KCTD2: variants seen among roughly 807,000 people sequenced by gnomAD.
The protein encoded by KCTD2 is BTB/POZ domain-containing protein KCTD2.
A neutral mutation model predicts 27.9 loss-of-function variants in KCTD2; 18 were observed. The ratio of observed to expected loss-of-function variants is 0.64; its 90% CI spans 0.45 to 0.96. The LOEUF (loss-of-function observed/expected upper bound fraction) is 0.96. Ranked by LOEUF, KCTD2 falls within the 40% of genes least tolerant of loss-of-function variation. KCTD2 has a pLI of 0.00. For missense variants in KCTD2, 280 were observed against 348.0 expected, an observed-to-expected ratio of 0.80 and a Z score of 1.56; for synonymous variants, 175 against 148.4, an observed-to-expected ratio of 1.18 and a Z score of -1.30.
upstream of KCTD2, among the ~76,000 whole-genome samples, chr17:75,045,643 C>T (rs1337700950): frequency 1.3e-5 from 2 of 150,668 alleles, no homozygotes; most frequent in East Asian, 2.2e-4. Flanking sequence ...GCCCGGCTCA[C>T]CGGCGGTCAG....
chr17:75,058,735 T>A (rs1157232239), intron 3 of KCTD2, among the ~76,000 whole-genome samples: 1 of 149,124 alleles, frequency 6.7e-6, no homozygotes, highest in Non-Finnish European at 1.5e-5. Flanking sequence ...GGAGGCGGAG[T>A]TGCAGTGAGC....
chr17:75,057,622 C>T (rs958742020), intron 3 of KCTD2, among the ~76,000 whole-genome samples: 5 of 149,188 alleles, frequency 3.4e-5, no homozygotes, highest in East Asian at 2.0e-4. Flanking sequence ...TGCAATGGCG[C>T]GATCTCAGCT....
intron 1 of KCTD2, among the ~76,000 whole-genome samples, chr17:75,033,777 C>T (rs560028964): frequency 6.6e-6 from 1 of 152,366 alleles, no homozygotes; most frequent in South Asian, 2.1e-4. Flanking sequence ...GGTATCTTCC[C>T]GCCCGCTCAC....
At chr17:75,061,249 G>A (rs1367108046) in intron 4 of KCTD2, among the ~76,000 whole-genome samples, 3 of 152,172 alleles carry the variant, frequency 2.0e-5, no homozygotes, top group African/African-American at 4.8e-5. Flanking sequence ...GTGAGGCCTC[G>A]CCTGCTCACT....
intron 3 of KCTD2, chr17:75,039,185 G>T (rs199693457): frequency 6.2e-7 from 1 of 1,613,896 alleles, no homozygotes; most frequent in Non-Finnish European, 8.5e-7. Context: ...CATATTATAG[G>T]CAACGGCTAC....
At chr17:75,038,395 G>A (rs1163317332) in intron 3 of KCTD2, among the ~76,000 whole-genome samples, 1 of 152,098 alleles carries the variant, frequency 6.6e-6, no homozygotes, top group Non-Finnish European at 1.5e-5. Context: ...CACCCGCCTG[G>A]GCCTCCCAAA....
intron 2 of KCTD2, among the ~76,000 whole-genome samples, chr17:75,049,605 C>G (rs1235523308): frequency 6.6e-6 from 1 of 152,188 alleles, no homozygotes; most frequent in East Asian, 1.9e-4. Flanking sequence ...AGAATTGTCA[C>G]GATCCTTTTT....
upstream of KCTD2, chr17:75,047,141 C>T (rs1455169750): frequency 3.5e-6 from 1 of 288,742 alleles, no homozygotes; most frequent in East Asian, 6.6e-5. Flanking sequence ...GCGCTCCCGT[C>T]CCTCTCCCCT....
At chr17:75,057,746 A>G (rs1404955099) in intron 3 of KCTD2, among the ~76,000 whole-genome samples, 1 of 151,718 alleles carries the variant, frequency 6.6e-6, no homozygotes, top group African/African-American at 2.4e-5. Context: ...TTTTTAGTAG[A>G]GATGGGGTTT....
chr17:75,055,236 G>T (rs2073336993), intron 3 of KCTD2, among the ~76,000 whole-genome samples: 1 of 151,720 alleles, frequency 6.6e-6, no homozygotes, highest in Non-Finnish European at 1.5e-5. Flanking sequence ...TGTATTTTTA[G>T]TAGAGATGGT....
intron 1 of KCTD2, 146 bp from the exon 2 acceptor site, chr17:75,049,074 C>A: frequency 1.9e-6 from 1 of 536,908 alleles, no homozygotes. Context: ...AAATGTGTAA[C>A]AAAATTTGCC....
chr17:75,047,597 CCGCCCTCGGGCG>C lies in KCTD2; in HGVS notation c.339+14_339+25del, dbSNP rs1361801444. ...GAGCTGGACTCAGACAAGGTGTGCC[CCGCCCTCGGGCG>C]CGCCCCCGGGCCTTCGAACCCCCTG... On this transcript the variant is annotated intron_variant, in intron 1 of 5. Transcript: ENST00000322444. 6.2e-7 allele frequency: 1 copy of C among 1,605,432 alleles called. No homozygotes were observed. Among genetic ancestry groups the C allele is most frequent in the African/African-American group, 1.3e-5 (1 of 74,572 alleles).
At chr17:75,042,249 C>G (rs200793762), upstream of KCTD2, 2 of 1,614,046 alleles carry the variant, frequency 1.2e-6, no homozygotes, top group Non-Finnish European at 1.7e-6. Context: ...CAGTCGATAG[C>G]TGGTGGATTC....
At chr17:75,053,597 C>T (rs996881621) in intron 3 of KCTD2, among the ~76,000 whole-genome samples, 7 of 152,102 alleles carry the variant, frequency 4.6e-5, no homozygotes, top group Admixed American at 1.3e-4. Context: ...TGTGCCACCA[C>T]GCCTGACTAA....
intron 3 of KCTD2, among the ~76,000 whole-genome samples, chr17:75,056,681 C>A (rs1315547945): frequency 6.6e-6 from 1 of 152,212 alleles, no homozygotes; most frequent in African/African-American, 2.4e-5. Flanking sequence ...TATTCAAAGA[C>A]ACCCTCTTTT....
At chr17:75,060,863 G>C (rs1048880518) in intron 4 of KCTD2, among the ~76,000 whole-genome samples, 9 of 152,210 alleles carry the variant, frequency 5.9e-5, no homozygotes, top group Admixed American at 2.6e-4. Flanking sequence ...TTATCTCACA[G>C]ATCAAGTGCA....
At chr17:75,050,250 G>C (rs1462028006) in intron 2 of KCTD2, among the ~76,000 whole-genome samples, 1 of 151,930 alleles carries the variant, frequency 6.6e-6, no homozygotes, top group African/African-American at 2.4e-5. Flanking sequence ...TAAGTACCTA[G>C]TAGGTGTATA....
intron 3 of KCTD2, chr17:75,059,298 G>C (rs554196358): frequency 5.2e-6 from 2 of 383,750 alleles, no homozygotes; most frequent in East Asian, 7.6e-5. Context: ...ATGCTGGCTT[G>C]TGGTCACTTA....
chr17:75,033,875 G>A (rs535618536), intron 1 of KCTD2, among the ~76,000 whole-genome samples: 20 of 152,404 alleles, frequency 1.3e-4, no homozygotes, highest in African/African-American at 3.6e-4. Flanking sequence ...TCGCTTATGA[G>A]GGGAAGGGAT....
Sources: allele counts gnomAD v4.1 joint callset (sites outside exome capture counted in the v4.1 genomes callset), GRCh38; gene constraint gnomAD v4.1.1; transcripts MANE v1.5; gene names NCBI Gene and HGNC (gene_info 2026-07-23, HGNC 2026-07-21).